CSMD3: variants seen among roughly 807,000 people sequenced by gnomAD.
CSMD3 encodes CUB and Sushi multiple domains 3.
Under a neutral mutation model 435.2 loss-of-function variants are expected in CSMD3, and 177 were observed. The ratio of observed to expected loss-of-function variants is 0.41; its 90% CI spans 0.36 to 0.46. CSMD3 has a LOEUF of 0.46. Among genes scored for constraint, CSMD3 ranks in the 20% least tolerant of loss-of-function variants. The pLI is 0.34. For synonymous variants in CSMD3, 1,656 were observed against 1,520.5 expected (o/e 1.09, Z -2.07); for missense variants, 4,265 against 4,504.6 (o/e 0.95, Z 1.52).
intron 3 of CSMD3, among the ~76,000 whole-genome samples, chr8:113,213,239 C>G (rs2132089191): frequency 6.6e-6 from 1 of 152,146 alleles, no homozygotes; most frequent in South Asian, 2.1e-4. Flanking sequence ...CAAATATCAA[C>G]TGTTCTCAAG....
intron 36 of CSMD3, among the ~76,000 whole-genome samples, chr8:112,389,211 C>G (rs1259327128): frequency 1.3e-5 from 2 of 152,068 alleles, no homozygotes; most frequent in Non-Finnish European, 2.9e-5. Context: ...GAAAACATGT[C>G]AGGGTTTTCA....
intron 22 of CSMD3, among the ~76,000 whole-genome samples, chr8:112,603,202 T>C (rs1331473981): frequency 6.6e-6 from 1 of 152,258 alleles, no homozygotes; most frequent in Non-Finnish European, 1.5e-5. Flanking sequence ...TCTTGTAATG[T>C]AGTGACATTT....
At chr8:112,380,578 T>C (rs901288769) in intron 37 of CSMD3, 122 bp from the exon 38 acceptor site, 5 of 643,154 alleles carry the variant, frequency 7.8e-6, no homozygotes, top group Non-Finnish European at 1.4e-5. Flanking sequence ...AAGTTGTTTT[T>C]CAAAAAAAAT....
intron 30 of CSMD3, among the ~76,000 whole-genome samples, chr8:112,496,249 G>C (rs542303666): frequency 6.6e-6 from 1 of 152,226 alleles, no homozygotes; most frequent in Admixed American, 6.5e-5. Context: ...AAATATAGGC[G>C]TGAGCTACCA....
At chr8:112,850,897 T>G (rs1284653194) in intron 11 of CSMD3, among the ~76,000 whole-genome samples, 1 of 152,168 alleles carries the variant, frequency 6.6e-6, no homozygotes, top group Non-Finnish European at 1.5e-5. Flanking sequence ...GTCCAGCATA[T>G]GGTCAAAATA....
chr8:113,252,623 T>C (rs117504085), intron 3 of CSMD3, among the ~76,000 whole-genome samples: 4 of 152,278 alleles, frequency 2.6e-5, no homozygotes, highest in Non-Finnish European at 5.9e-5. Flanking sequence ...CTCTATGGCC[T>C]TCTCTATTAT....
chr8:113,317,321 A>C (rs2132686529), intron 1 of CSMD3, among the ~76,000 whole-genome samples: 1 of 152,274 alleles, frequency 6.6e-6, no homozygotes, highest in South Asian at 2.1e-4. Context: ...TTCATAACTA[A>C]AGGCAAGCAT....
intron 5 of CSMD3, among the ~76,000 whole-genome samples, chr8:113,080,618 A>G (rs1287523632): frequency 6.6e-6 from 1 of 152,204 alleles, no homozygotes; most frequent in Non-Finnish European, 1.5e-5. Context: ...TTTCAGGCAC[A>G]ATAAGATTTT....
chr8:112,611,383 T>C (rs1271248997), intron 22 of CSMD3, among the ~76,000 whole-genome samples: 2 of 152,190 alleles, frequency 1.3e-5, no homozygotes, highest in Admixed American at 6.6e-5. Context: ...TAAACCATCT[T>C]GGGTTTAACC....
chr8:112,775,799 T>C (rs545051811), intron 13 of CSMD3, among the ~76,000 whole-genome samples: 1 of 152,028 alleles, frequency 6.6e-6, no homozygotes, highest in South Asian at 2.1e-4. Flanking sequence ...TTAACTATCT[T>C]CCATCTTTGC....
intron 18 of CSMD3, among the ~76,000 whole-genome samples, chr8:112,652,908 G>A (rs1409228504): frequency 6.6e-6 from 1 of 152,052 alleles, no homozygotes; most frequent in Non-Finnish European, 1.5e-5. Context: ...CGCTTCCTGG[G>A]TTCAAGCAAT....
At chr8:112,755,175 C>CA (rs1425236346) in intron 13 of CSMD3, among the ~76,000 whole-genome samples, 17 of 151,834 alleles carry the variant, frequency 1.1e-4, no homozygotes, top group Admixed American at 2.6e-4. Flanking sequence ...ACTAAAAATA[C>CA]AAAAAATTAG....
At chr8:112,393,037 T>G (rs889230850) in intron 35 of CSMD3, among the ~76,000 whole-genome samples, 1 of 151,956 alleles carries the variant, frequency 6.6e-6, no homozygotes, top group Non-Finnish European at 1.5e-5. Context: ...AGCTAATTTG[T>G]GTACAGATAT....
chr8:112,706,416 C>A (rs1248086491), intron 13 of CSMD3, among the ~76,000 whole-genome samples: 4 of 151,884 alleles, frequency 2.6e-5, no homozygotes, highest in Non-Finnish European at 4.4e-5. Flanking sequence ...AAAAAATAAA[C>A]AATTCTGCCA....
chr8:112,650,096 T>C (rs1046553786), intron 19 of CSMD3, 65 bp downstream of exon 19: 11 of 1,210,062 alleles, frequency 9.1e-6, no homozygotes, highest in Non-Finnish European at 1.1e-5. Flanking sequence ...AAACCCCATA[T>C]AAAAAACTAC....
intron 6 of CSMD3, among the ~76,000 whole-genome samples, chr8:113,011,925 C>A (rs1046107121): frequency 2.0e-5 from 3 of 151,530 alleles, no homozygotes; most frequent in Non-Finnish European, 4.4e-5. Flanking sequence ...ACTGTCAGGT[C>A]CATAAAGCAA....
At chr8:113,091,430 A>G (rs180730235) in intron 5 of CSMD3, among the ~76,000 whole-genome samples, 313 of 152,064 alleles carry the variant, frequency 2.1e-3, no homozygotes, top group East Asian at 0.011. Context: ...ACTTTTTATT[A>G]TATCTTTGAT....
intron 27 of CSMD3, among the ~76,000 whole-genome samples, chr8:112,519,805 A>C (rs573661379): frequency 6.6e-6 from 1 of 152,180 alleles, no homozygotes; most frequent in Non-Finnish European, 1.5e-5. Flanking sequence ...GGGACAGTTA[A>C]AGAACAAATG....
rs73344036 is a variant in CSMD3, at chr8:112,819,626, C to T, written c.1859+10060G>A. On this transcript the variant is annotated intron_variant, in intron 12 of 70. Coordinates refer to ENST00000297405, the MANE Select transcript of CSMD3 (RefSeq NM_198123.2). Reference sequence around the variant, plus strand: ...TTCCTACTTGAGGAAAAGAGAGTTACATTTTCAGAGAAGTATAATTTTGTT... The same window carrying T: ...TTCCTACTTGAGGAAAAGAGAGTTATATTTTCAGAGAAGTATAATTTTGTT... Among the ~76,000 whole-genome samples the T allele has an allele frequency of 2.9e-3, 445 of 152,264 alleles. 1 individual carries two copies. Among genetic ancestry groups the T allele is most frequent in the African/African-American group, 9.9e-3 (412 of 41,560 alleles).
Sources: gnomAD v4.1 joint callset for allele counts (sites outside exome capture counted in the v4.1 genomes callset) on GRCh38, gnomAD v4.1.1 for gene constraint, MANE v1.5 for transcripts, NCBI Gene and HGNC (gene_info 2026-07-23, HGNC 2026-07-21) for gene names.